The following BMPR1B variants were observed in gnomAD, a reference collection of about 807,000 sequenced individuals.
BMPR1B encodes the protein bone morphogenetic protein receptor type 1B, also known as bone morphogenetic protein receptor type-1B.
Under a neutral mutation model 59.1 loss-of-function variants are expected in BMPR1B, and 12 were observed. The ratio of observed to expected loss-of-function variants is 0.20; its 90% confidence interval spans 0.13 to 0.33. The LOEUF is 0.33. BMPR1B is among the 10% of genes least tolerant of loss of function. BMPR1B has a pLI of 1.00. For synonymous variants in BMPR1B, 237 were observed against 207.3 expected, an observed-to-expected ratio of 1.14 and a Z score of -1.23; for missense variants, 550 against 610.9, an observed-to-expected ratio of 0.90 and a Z score of 1.05.
At chr4:95,126,796 A>C (rs1448106276) in intron 8 of BMPR1B, among the ~76,000 whole-genome samples, 8 of 152,180 alleles carry the variant, frequency 5.3e-5, no homozygotes, top group African/African-American at 1.9e-4. Flanking sequence ...AACAATGCAG[A>C]GGTATACAGT....
chr4:94,788,024 T>C lies in BMPR1B; in HGVS notation c.-183+29956T>C, dbSNP rs1464212979. Among the ~76,000 whole-genome samples, 4 of 152,292 alleles carry C rather than the reference T, an allele frequency of 2.6e-5. No individual in the cohort carries two copies. The South Asian group carries it at 8.3e-4, about 32-fold the overall frequency. On this transcript the variant is annotated intron_variant, in intron 1 of 12. Transcript: ENST00000515059. ...GGTATATATGGGGCTGAGTTGGTAA[T>C]AGAACAAGAGAATCTGAAAATCAAA... is the stretch of plus-strand genomic sequence containing the variant.
At chr4:94,785,084 C>G (rs1194791645) in intron 1 of BMPR1B, among the ~76,000 whole-genome samples, 1 of 152,194 alleles carries the variant, frequency 6.6e-6, no homozygotes, top group Non-Finnish European at 1.5e-5. Flanking sequence ...CAAATGGTCT[C>G]CATTTAGCCT....
chr4:95,077,633 C>T (rs985175773), intron 3 of BMPR1B, among the ~76,000 whole-genome samples: 1 of 151,998 alleles, frequency 6.6e-6, no homozygotes, highest in Non-Finnish European at 1.5e-5. Flanking sequence ...TATGCTCTTC[C>T]TATTAAAAGA....
Position 94,862,155 on chromosome 4 carries a change from T to G in BMPR1B, c.-182-13676T>G, listed in dbSNP as rs541680330. Among the ~76,000 whole-genome samples, 230 of 152,008 alleles carry G rather than the reference T, an allele frequency of 1.5e-3. 1 individual carries two copies. Among genetic ancestry groups the G allele is most frequent in the African/African-American group, 5.1e-3 (213 of 41,482 alleles). On this transcript the variant is annotated intron_variant, in intron 1 of 12. Coordinates refer to ENST00000515059, the MANE Select transcript of BMPR1B (RefSeq NM_001203.3). ...AGATTCCAAATTATTACTGTTTTTT[T>G]TTGTTGTTTTTTTGAGATGGAGTCT...
At chr4:94,923,307 AG>A (rs1378804063) in intron 2 of BMPR1B, among the ~76,000 whole-genome samples, 3 of 152,152 alleles carry the variant, frequency 2.0e-5, no homozygotes, top group African/African-American at 7.2e-5. Context: ...ACAGGAGTTT[AG>A]TACCTATCCC....
At chr4:95,033,280 TA>T (rs1357756410) in intron 3 of BMPR1B, among the ~76,000 whole-genome samples, 3 of 151,652 alleles carry the variant, frequency 2.0e-5, no homozygotes, top group South Asian at 2.1e-4. Context: ...TAGAAGTTTT[TA>T]ATTTTAAAGT....
chr4:95,153,448 G>A (rs1409040647), intron 12 of BMPR1B, among the ~76,000 whole-genome samples: 1 of 152,020 alleles, frequency 6.6e-6, no homozygotes, highest in Non-Finnish European at 1.5e-5. Flanking sequence ...GAATGTTCAA[G>A]ATGAGTTTGA....
chr4:94,775,106 T>G (rs1722320857), intron 1 of BMPR1B, among the ~76,000 whole-genome samples: 1 of 152,204 alleles, frequency 6.6e-6, no homozygotes, highest in East Asian at 1.9e-4. Context: ...GTATTCCAGC[T>G]TTCCCACTCA....
chr4:95,047,645 TTA>T (rs559513053), intron 3 of BMPR1B, among the ~76,000 whole-genome samples: 153 of 152,294 alleles, frequency 1.0e-3, no homozygotes, highest in Non-Finnish European at 1.6e-3. Context: ...TAAGCACAGC[TTA>T]GAGTCAAGGG....
chr4:94,987,200 ATATG>A (rs1246509541), intron 2 of BMPR1B, among the ~76,000 whole-genome samples: 8 of 144,248 alleles, frequency 5.5e-5, no homozygotes, highest in African/African-American at 1.0e-4. Flanking sequence ...TATATCATAT[ATATG>A]TAATATATAT....
chr4:95,154,478 C>T (rs1735269983), intron 12 of BMPR1B, 70 bp from the exon 13 acceptor site: 1 of 1,602,480 alleles, frequency 6.2e-7, no homozygotes. Context: ...GAACCTAAAA[C>T]TAAAAAGCTA....
At chr4:94,942,522 A>G (rs1438666070) in intron 2 of BMPR1B, among the ~76,000 whole-genome samples, 1 of 152,244 alleles carries the variant, frequency 6.6e-6, no homozygotes, top group African/African-American at 2.4e-5. Context: ...CAAATAAACA[A>G]GTCTTAATAG....
intron 6 of BMPR1B, among the ~76,000 whole-genome samples, chr4:95,116,368 T>C (rs1370690539): frequency 2.0e-5 from 3 of 149,154 alleles, no homozygotes; most frequent in Admixed American, 6.7e-5. Context: ...AGAGACCTTT[T>C]GTTTGCAACA....
chr4:95,005,992 G>A (rs1310722556), intron 3 of BMPR1B, among the ~76,000 whole-genome samples: 2 of 152,158 alleles, frequency 1.3e-5, no homozygotes, highest in East Asian at 1.9e-4. Flanking sequence ...AATAGTTTCC[G>A]CTGGGCACAG....
intron 1 of BMPR1B, among the ~76,000 whole-genome samples, chr4:94,824,279 G>A (rs985423509): frequency 2.0e-5 from 3 of 152,098 alleles, no homozygotes; most frequent in African/African-American, 7.2e-5. Flanking sequence ...CTTCCCCACC[G>A]TAACTTTTTC....
chr4:95,108,778 T>C (rs1731389296), intron 4 of BMPR1B, among the ~76,000 whole-genome samples: 1 of 152,106 alleles, frequency 6.6e-6, no homozygotes, highest in Non-Finnish European at 1.5e-5. Flanking sequence ...GTAAAGCCAT[T>C]GTCCTCTCTC....
chr4:94,904,558 G>T (rs538071544), intron 2 of BMPR1B, among the ~76,000 whole-genome samples: 68 of 152,118 alleles, frequency 4.5e-4, no homozygotes, highest in African/African-American at 1.5e-3. Context: ...CAGGTGATTT[G>T]TGAATTACCT....
At chr4:94,841,666 C>T (rs1725087845) in intron 1 of BMPR1B, among the ~76,000 whole-genome samples, 1 of 152,096 alleles carries the variant, frequency 6.6e-6, no homozygotes, top group Admixed American at 6.5e-5. Flanking sequence ...ACTGGCACTC[C>T]CTATTGAGAT....
At chr4:94,996,516 TA>T (rs1282950175) in intron 3 of BMPR1B, 1 of 152,172 alleles carries the variant, frequency 6.6e-6, no homozygotes, top group African/African-American at 2.4e-5. Context: ...ACATGGATTA[TA>T]AGGGAAACAT....
Sources: allele counts gnomAD v4.1 joint callset (sites outside exome capture counted in the v4.1 genomes callset), GRCh38; gene constraint gnomAD v4.1.1; transcripts MANE v1.5; gene names NCBI Gene and HGNC (gene_info 2026-07-23, HGNC 2026-07-21).